BRWD1: variants seen among roughly 807,000 people sequenced by gnomAD.
BRWD1 encodes the protein bromodomain and WD repeat-containing protein 1.
Under a neutral mutation model 251.2 loss-of-function variants are expected in BRWD1, and 82 were observed. That is an observed-to-expected ratio of 0.33 (90% confidence interval 0.27 to 0.39). BRWD1 has a LOEUF of 0.39. BRWD1 is among the 10% of genes least tolerant of loss of function. The pLI is 1.00. For synonymous variants in BRWD1, 918 were observed against 902.8 expected (o/e 1.02, Z -0.30); for missense variants, 2,233 against 2,711.6 (o/e 0.82, Z 3.92).
rs2035219857 is a variant in BRWD1, at chr21:39,274,541, C to G, written c.1146-69G>C. 14 of 1,223,542 alleles carry G rather than the reference C, an allele frequency of 1.1e-5. No homozygotes were observed. In the Middle Eastern group the frequency reaches 5.7e-4, roughly 50 times the overall value. 75.8% of individuals were successfully genotyped at this position (1,223,542 alleles called of 1,614,324 possible). Reference sequence around the variant, plus strand: ...CCAACAAGGGCTACAATTAAAATCACATGCAAAAAAAGAATGTAATGAAGC... The same window carrying G: ...CCAACAAGGGCTACAATTAAAATCAGATGCAAAAAAAGAATGTAATGAAGC... On this transcript the variant is annotated intron_variant, in intron 12 of 40. Coordinates refer to ENST00000342449, the MANE Select transcript of BRWD1 (RefSeq NM_033656.4).
chr21:39,311,389 A>C (rs2036478988), intron 4 of BRWD1, among the ~76,000 whole-genome samples: 1 of 152,162 alleles, frequency 6.6e-6, no homozygotes, highest in Admixed American at 6.5e-5. Context: ...TCCTGGCCTC[A>C]AGTGATCCTC....
intron 4 of BRWD1, among the ~76,000 whole-genome samples, chr21:39,303,308 C>G (rs2036179807): frequency 6.6e-6 from 1 of 151,924 alleles, no homozygotes; most frequent in Non-Finnish European, 1.5e-5. Context: ...CACTAATGGT[C>G]AGGAGTTCAA....
In BRWD1 at chr21:39,299,413, C is replaced by G. The variant is rs561908570; in HGVS notation, c.199-831G>C. Among the ~76,000 whole-genome samples, 4 of 152,214 alleles carry G rather than the reference C, an allele frequency of 2.6e-5. No homozygotes were observed. The South Asian group carries it at 8.3e-4, about 32-fold the overall frequency. ...AGGCAGTAAAAAACATTAATTCTTT[C>G]AGTAAGTACTGACAGCCTATTAGGT... On this transcript the variant is annotated intron_variant, in intron 4 of 40. Coordinates refer to ENST00000342449, the MANE Select transcript of BRWD1 (RefSeq NM_033656.4).
intron 38 of BRWD1, 89 bp from the exon 39 acceptor site, chr21:39,200,475 C>T: frequency 1.9e-6 from 2 of 1,052,164 alleles, no homozygotes; most frequent in Non-Finnish European, 2.6e-6. Context: ...CTGAACATTA[C>T]ATAACATTAC....
Position 39,188,089 on chromosome 21 carries a change from A to G in BRWD1, c.*8170T>C. ...CTACTACTCCGTGCTGACCAAACTT[A>G]GGAGGGCTCAGATATGTTTGTTACC... is the stretch of plus-strand genomic sequence containing the variant. On this transcript the variant is annotated 3_prime_UTR_variant, in exon 41 of 41. Coordinates refer to ENST00000342449, the MANE Select transcript of BRWD1 (RefSeq NM_033656.4). 1.0e-6 allele frequency: 1 copy of G among 985,446 alleles called. No homozygotes were observed. The highest frequency in any genetic ancestry group is 1.2e-6 in the Non-Finnish European group (1 of 829,928). 61.0% of individuals were successfully genotyped at this position (985,446 alleles called of 1,614,324 possible). A position where few individuals can be genotyped will look rare whatever the true frequency, so the allele number is the denominator to read the frequency against.
intron 17 of BRWD1, 93 bp from the exon 18 acceptor site, chr21:39,258,765 T>C: frequency 1.2e-6 from 1 of 823,236 alleles, no homozygotes; most frequent in Non-Finnish European, 1.7e-6. Flanking sequence ...TTAACAATGG[T>C]CAGAATTTCC....
chr21:39,238,314 T>C (rs1601353144), intron 22 of BRWD1, among the ~76,000 whole-genome samples, 165 bp downstream of exon 22: 1 of 145,098 alleles, frequency 6.9e-6, no homozygotes, highest in South Asian at 2.2e-4. Context: ...ACTCCTGAAA[T>C]ACTCCTATAG....
chr21:39,269,240 C>CA (rs1044232633), intron 15 of BRWD1, among the ~76,000 whole-genome samples: 44 of 133,330 alleles, frequency 3.3e-4, no homozygotes, highest in Middle Eastern at 4.1e-3. Flanking sequence ...TATACATATG[C>CA]AAAAAAAAAA....
chr21:39,202,190 T>C, intron 38 of BRWD1, 135 bp downstream of exon 38: 2 of 589,836 alleles, frequency 3.4e-6, no homozygotes, highest in South Asian at 5.1e-5. Flanking sequence ...TTATTATGTT[T>C]ATCTCTTCCA....
At chr21:39,313,823 C>T (rs989081580), upstream of BRWD1, 19 of 348,722 alleles carry the variant, frequency 5.4e-5, no homozygotes, top group Non-Finnish European at 9.0e-5. Flanking sequence ...AAGACCTGGG[C>T]GCCGCAGCAG....
chr21:39,225,802 T>C (rs1227113544), intron 27 of BRWD1, among the ~76,000 whole-genome samples: 1 of 152,322 alleles, frequency 6.6e-6, no homozygotes, highest in Non-Finnish European at 1.5e-5. Context: ...TATGTAAACA[T>C]GAGTTTTACA....
In BRWD1 at chr21:39,196,722, T is replaced by C. The variant is rs2031837289; in HGVS notation, c.6347A>G (p.His2116Arg). Reference protein sequence around the residue: ...KAPFSKTKVIHDSQETAEKEV... With the variant: ...KAPFSKTKVIRDSQETAEKEV... ...CTTCTCTGCTGTTTCCTGTGAATCA[T>C]GAATCACTTTTGTCTTACTAAAAGG... is the stretch of plus-strand genomic sequence containing the variant. The change falls in exon 41 of 41, where the codon CAT becomes CGT. Residue 2116 changes from histidine (H) to arginine (R), a missense_variant. Physicochemically the swap from His to Arg is conservative, Grantham distance 29 (BLOSUM62 0). This residue lies in a region of BRWD1 where 928 missense variants were observed against 970.0 expected (regional missense o/e 0.96). Coordinates refer to ENST00000342449, the MANE Select transcript of BRWD1 (RefSeq NM_033656.4). 1.9e-6 allele frequency: 3 copies of C among 1,613,760 alleles called. No homozygotes were observed. The highest frequency in any genetic ancestry group is 2.5e-6 in the Non-Finnish European group (3 of 1,179,894).
At chr21:39,221,393 C>A (rs1283032319) in intron 29 of BRWD1, among the ~76,000 whole-genome samples, 1 of 151,982 alleles carries the variant, frequency 6.6e-6, no homozygotes. Context: ...GCAATAATAA[C>A]TAATATTTTC....
At chr21:39,259,011 T>C (rs2034652862) in intron 17 of BRWD1, among the ~76,000 whole-genome samples, 1 of 152,188 alleles carries the variant, frequency 6.6e-6, no homozygotes, top group African/African-American at 2.4e-5. Context: ...TAAAATCTTA[T>C]TCCCCAGAGT....
At chr21:39,199,711 C>T (rs981026155) in intron 39 of BRWD1, 49 bp from the exon 40 acceptor site, 2 of 1,445,702 alleles carry the variant, frequency 1.4e-6, no homozygotes, top group African/African-American at 2.9e-5. Flanking sequence ...CTTATTTCAA[C>T]ATTTTTAAAT....
intron 27 of BRWD1, among the ~76,000 whole-genome samples, chr21:39,225,490 A>G (rs2033345590): frequency 6.6e-6 from 1 of 152,152 alleles, no homozygotes; most frequent in Middle Eastern, 3.2e-3. Flanking sequence ...TGCAGTAACC[A>G]TATCTCTTCC....
At chr21:39,236,349 G>C (rs1430253199) in intron 23 of BRWD1, among the ~76,000 whole-genome samples, 2 of 152,018 alleles carry the variant, frequency 1.3e-5, no homozygotes, top group Non-Finnish European at 2.9e-5. Context: ...TTGAAAGTAG[G>C]AGACAGAGGA....
At chr21:39,299,674 G>A (rs1427418236) in intron 4 of BRWD1, among the ~76,000 whole-genome samples, 3 of 151,964 alleles carry the variant, frequency 2.0e-5, no homozygotes, top group Non-Finnish European at 4.4e-5. Flanking sequence ...AGCTTTTCTG[G>A]GAACAGAAAA....
At chr21:39,290,122 A>G (rs557060135) in intron 8 of BRWD1, among the ~76,000 whole-genome samples, 7 of 151,330 alleles carry the variant, frequency 4.6e-5, no homozygotes, top group Non-Finnish European at 5.9e-5. Flanking sequence ...CATTCTATCT[A>G]TTTTCTTCTG....
Sources: gnomAD v4.1 joint callset for allele counts (sites outside exome capture counted in the v4.1 genomes callset) on GRCh38, gnomAD v4.1.1 for gene constraint, gnomAD v4.1.1 regional missense constraint, MANE v1.5 for transcripts, NCBI Gene and HGNC (gene_info 2026-07-23, HGNC 2026-07-21) for gene names.